The following VSTM4 variants were observed in gnomAD, a reference collection of about 807,000 sequenced individuals.
The protein encoded by VSTM4 is V-set and transmembrane domain-containing protein 4.
VSTM4 carries 20 observed loss-of-function variants against 36.4 expected under a neutral mutation model. The observed-to-expected ratio is 0.55, with a 90% CI of 0.39 to 0.80. The LOEUF (loss-of-function observed/expected upper bound fraction) is 0.80, where lower values mean the gene tolerates loss of function less well. Among genes scored for constraint, VSTM4 ranks in the 30% least tolerant of loss-of-function variants. The pLI, the probability that VSTM4 is intolerant of heterozygous loss-of-function variation, is 0.00. For missense variants in VSTM4, 392 were observed against 404.5 expected (o/e 0.97, Z 0.26); for synonymous variants, 182 against 173.9 (o/e 1.05, Z -0.37).
chr10:49,022,045 C>CA (rs1476175960), intron 7 of VSTM4, among the ~76,000 whole-genome samples: 1 of 152,166 alleles, frequency 6.6e-6, no homozygotes, highest in Non-Finnish European at 1.5e-5. Flanking sequence ...TGAACAGCTG[C>CA]AGGGAGACTC....
intron 5 of VSTM4, among the ~76,000 whole-genome samples, chr10:49,062,457 G>A (rs963782827): frequency 6.6e-6 from 1 of 152,158 alleles, no homozygotes; most frequent in Non-Finnish European, 1.5e-5. Flanking sequence ...TTTGGGGTTG[G>A]CAGTTCTTTT....
At chr10:49,071,042 T>A (rs932705971) in intron 4 of VSTM4, among the ~76,000 whole-genome samples, 8 of 152,196 alleles carry the variant, frequency 5.3e-5, no homozygotes, top group African/African-American at 1.9e-4. Flanking sequence ...CTTAGCTTCA[T>A]CCTCATGGAG....
chr10:49,064,940 C>G (rs1270066642), intron 4 of VSTM4, among the ~76,000 whole-genome samples: 1 of 152,170 alleles, frequency 6.6e-6, no homozygotes, highest in African/African-American at 2.4e-5. Context: ...TATGTCCCAG[C>G]CAGGGATCTA....
At chr10:49,038,107 G>T (rs1843461452) in intron 7 of VSTM4, among the ~76,000 whole-genome samples, 1 of 152,000 alleles carries the variant, frequency 6.6e-6, no homozygotes, top group Non-Finnish European at 1.5e-5. Flanking sequence ...CCCCCTTCTG[G>T]GTATATAACC....
At chr10:49,055,341 T>C (rs542999132) in intron 5 of VSTM4, among the ~76,000 whole-genome samples, 1 of 152,194 alleles carries the variant, frequency 6.6e-6, no homozygotes, top group African/African-American at 2.4e-5. Context: ...CTGACACAGA[T>C]GGAGGGAGGG....
intron 5 of VSTM4, 39 bp from the exon 6 acceptor site, chr10:49,048,623 T>G: frequency 6.4e-7 from 1 of 1,550,526 alleles, no homozygotes; most frequent in Non-Finnish European, 8.7e-7. Context: ...CAAAGGCAGA[T>G]TTGTTGCAAA....
intron 1 of VSTM4, among the ~76,000 whole-genome samples, chr10:49,109,604 T>C (rs4073712): frequency 0.49 from 74,128 of 151,696 alleles, 19,437 homozygotes; most frequent in African/African-American, 0.7. Context: ...TTTTGTCATA[T>C]AACGTTCCAT....
At chr10:49,056,886 C>T (rs1477210774) in intron 5 of VSTM4, among the ~76,000 whole-genome samples, 3 of 152,146 alleles carry the variant, frequency 2.0e-5, no homozygotes, top group Admixed American at 2.0e-4. Flanking sequence ...GCTCATGGTT[C>T]TGCAAGCTGT....
At chr10:49,023,633 G>T (rs1843213725) in intron 7 of VSTM4, among the ~76,000 whole-genome samples, 1 of 152,148 alleles carries the variant, frequency 6.6e-6, no homozygotes, top group African/African-American at 2.4e-5. Context: ...CAAGTTTACT[G>T]CTATCTTCAG....
intron 5 of VSTM4, among the ~76,000 whole-genome samples, chr10:49,059,929 C>CT (rs1333244027): frequency 6.6e-6 from 1 of 152,160 alleles, no homozygotes; most frequent in Non-Finnish European, 1.5e-5. Context: ...ATAAATGTAC[C>CT]TTTTCTAGGC....
chr10:49,079,213 T>C (rs1368607673), intron 3 of VSTM4, among the ~76,000 whole-genome samples: 3 of 151,742 alleles, frequency 2.0e-5, no homozygotes, highest in Admixed American at 6.6e-5. Context: ...TGTACATACA[T>C]CTCTTTTAGA....
At chr10:49,025,538 C>T (rs568394397) in intron 7 of VSTM4, among the ~76,000 whole-genome samples, 1 of 152,332 alleles carries the variant, frequency 6.6e-6, no homozygotes, top group African/African-American at 2.4e-5. Context: ...ATGGCCAGGC[C>T]TCGGCCTTGA....
At chr10:49,023,631 C>T in intron 7 of VSTM4, among the ~76,000 whole-genome samples, 1 of 152,214 alleles carries the variant, frequency 6.6e-6, no homozygotes, top group East Asian at 1.9e-4. Context: ...TACAAGTTTA[C>T]TGCTATCTTC....
At chr10:49,108,085 A>C in intron 1 of VSTM4, 90 bp from the exon 2 acceptor site, 1 of 1,440,794 alleles carries the variant, frequency 6.9e-7, no homozygotes, top group Non-Finnish European at 9.2e-7. Context: ...AAATGCCTCC[A>C]CGCACTGGGC....
intron 7 of VSTM4, among the ~76,000 whole-genome samples, chr10:49,036,598 G>T (rs1843435038): frequency 6.6e-6 from 1 of 152,172 alleles, no homozygotes; most frequent in Non-Finnish European, 1.5e-5. Flanking sequence ...ATTTTGCTGG[G>T]ATTTGGGTTA....
At chr10:49,039,828 C>T (rs1236379435) in intron 7 of VSTM4, among the ~76,000 whole-genome samples, 5 of 152,230 alleles carry the variant, frequency 3.3e-5, no homozygotes, top group Non-Finnish European at 7.3e-5. Flanking sequence ...CTGAGGTTTT[C>T]CTTCCGCATC....
chr10:49,042,511 C>T (rs189199214), intron 7 of VSTM4, among the ~76,000 whole-genome samples: 27 of 152,312 alleles, frequency 1.8e-4, no homozygotes, highest in African/African-American at 6.5e-4. Flanking sequence ...GCCCAGACTC[C>T]GCACTGAGGC....
At chr10:49,043,938 T>C (rs1387985681) in intron 7 of VSTM4, among the ~76,000 whole-genome samples, 1 of 152,254 alleles carries the variant, frequency 6.6e-6, no homozygotes, top group African/African-American at 2.4e-5. Context: ...TCTTCTTTTG[T>C]CAAGTGCACA....
At chr10:49,108,067 G>C (rs1216798825) in intron 1 of VSTM4, 72 bp from the exon 2 acceptor site, 1 of 1,470,250 alleles carries the variant, frequency 6.8e-7, no homozygotes, top group African/African-American at 1.4e-5. Context: ...CACAGTCGAG[G>C]AGCCAGGAAA....
Sources: allele counts gnomAD v4.1 joint callset (sites outside exome capture counted in the v4.1 genomes callset), GRCh38; gene constraint gnomAD v4.1.1; transcripts MANE v1.5; gene names NCBI Gene and HGNC (gene_info 2026-07-23, HGNC 2026-07-21).